PREP: variants seen among roughly 807,000 people sequenced by gnomAD.
PREP encodes the protein dJ355L5.1 (prolyl endopeptidase).
A neutral mutation model predicts 87.6 loss-of-function variants in PREP; 29 were observed. The observed-to-expected ratio is 0.33, with a 90% CI of 0.25 to 0.45. The LOEUF is 0.45. Among genes scored for constraint, PREP ranks in the 20% least tolerant of loss-of-function variants. PREP has a pLI of 1.00. For missense variants in PREP, 695 were observed against 886.5 expected (o/e 0.78, Z 2.74); for synonymous variants, 337 against 328.6 (o/e 1.03, Z -0.28).
At chr6:105,337,449 C>T (rs1328165413) in intron 7 of PREP, among the ~76,000 whole-genome samples, 1 of 152,184 alleles carries the variant, frequency 6.6e-6, no homozygotes, top group Admixed American at 6.5e-5. Context: ...GGAGAATTCA[C>T]ATCCTGTCTT....
In PREP at chr6:105,288,902, A is replaced by G. The variant is rs1376535532; in HGVS notation, c.1318-8T>C. 3 of 1,608,288 alleles carry G rather than the reference A, an allele frequency of 1.9e-6. No homozygotes were observed. Among genetic ancestry groups the G allele is most frequent in the Non-Finnish European group, 2.6e-6 (3 of 1,175,250 alleles). On this transcript the variant is annotated splice_region_variant and splice_polypyrimidine_tract_variant and intron_variant, in intron 10 of 14. Transcript: ENST00000652536. ...CTTGCTAGGGTAGAAAATCTAGAATATAAGAAAGCAGAATATAAGATTTAG... is the reference window on the plus strand; with the variant it reads ...CTTGCTAGGGTAGAAAATCTAGAATGTAAGAAAGCAGAATATAAGATTTAG...
rs1329630035 is a variant in PREP at position 105,376,114 on chromosome 6, G to A, written c.385+11C>T. 2 of 1,612,308 alleles carry A rather than the reference G, an allele frequency of 1.2e-6. No individual in the cohort carries two copies. The highest frequency in any genetic ancestry group is 2.7e-5 in the African/African-American group (2 of 74,982). On this transcript the variant is annotated intron_variant, in intron 4 of 14. Coordinates refer to ENST00000652536, the MANE Select transcript of PREP (RefSeq NM_002726.5). Reference sequence around the variant, plus strand: ...TTAGGAGTTCCACGGGCCTCTCTGTGTAGCACTTACCTCGGAGTGCCACTG... The same window carrying A: ...TTAGGAGTTCCACGGGCCTCTCTGTATAGCACTTACCTCGGAGTGCCACTG...
chr6:105,383,514 A>G (rs1458882954), intron 2 of PREP, among the ~76,000 whole-genome samples: 1 of 152,204 alleles, frequency 6.6e-6, no homozygotes, highest in Non-Finnish European at 1.5e-5. Flanking sequence ...TTTTGGGCTC[A>G]ACTTTAACAT....
intron 2 of PREP, among the ~76,000 whole-genome samples, chr6:105,393,989 A>G (rs117804465): frequency 0.022 from 3,320 of 152,046 alleles, 59 homozygotes; most frequent in Non-Finnish European, 0.035. Context: ...CATGTAATCA[A>G]TTCAGACTAG....
At position 105,273,367 on chromosome 6, in the gene PREP, T is replaced by C. The variant is rs935535215; in HGVS notation, c.*4777A>G. On this transcript the variant is annotated 3_prime_UTR_variant, in exon 15 of 15. Coordinates refer to ENST00000652536, the MANE Select transcript of PREP (RefSeq NM_002726.5). ...TGCAACCGTTACTGAAATCCAGTTTTAGAACATTTTTGTCATCCCGGTTAG... is the reference window on the plus strand; with the variant it reads ...TGCAACCGTTACTGAAATCCAGTTTCAGAACATTTTTGTCATCCCGGTTAG... The C allele has an allele frequency of 6.6e-6, 1 of 152,222 alleles. No homozygotes were observed. Among genetic ancestry groups the C allele is most frequent in the African/African-American group, 2.4e-5 (1 of 41,462 alleles). 9.4% of individuals were successfully genotyped at this position (152,222 alleles called of 1,614,324 possible). A position where few individuals can be genotyped will look rare whatever the true frequency, so the allele number is the denominator to read the frequency against.
At chr6:105,399,033 G>T (rs1462025761) in intron 1 of PREP, among the ~76,000 whole-genome samples, 4 of 152,004 alleles carry the variant, frequency 2.6e-5, no homozygotes, top group African/African-American at 9.7e-5. Flanking sequence ...CCTGAACCCA[G>T]GAGGCAGAGG....
intron 8 of PREP, among the ~76,000 whole-genome samples, chr6:105,329,433 C>T (rs1003365062): frequency 2.6e-5 from 4 of 152,180 alleles, no homozygotes; most frequent in Admixed American, 1.3e-4. Context: ...AGATTACAGG[C>T]GTGAGCCACC....
At chr6:105,401,977 T>C (rs1365963243) in intron 1 of PREP, among the ~76,000 whole-genome samples, 3 of 152,182 alleles carry the variant, frequency 2.0e-5, no homozygotes, top group Non-Finnish European at 4.4e-5. Flanking sequence ...CCACAACATG[T>C]GGATGCAATC....
chr6:105,321,004 T>G (rs1165647719), intron 10 of PREP, among the ~76,000 whole-genome samples: 4 of 152,180 alleles, frequency 2.6e-5, no homozygotes, highest in African/African-American at 9.7e-5. Flanking sequence ...CACATACACT[T>G]GAATCTAAAC....
chr6:105,345,814 T>A (rs1771781583), intron 7 of PREP, among the ~76,000 whole-genome samples: 1 of 152,190 alleles, frequency 6.6e-6, no homozygotes. Context: ...TTCCTGGGGA[T>A]AATAATCCGT....
chr6:105,381,836 T>G (rs1772846568), intron 2 of PREP, among the ~76,000 whole-genome samples: 1 of 144,488 alleles, frequency 6.9e-6, no homozygotes, highest in African/African-American at 2.9e-5. Context: ...CAATACTATA[T>G]TGTGCACAGA....
chr6:105,364,402 G>A (rs1434823643), intron 6 of PREP, among the ~76,000 whole-genome samples: 1 of 152,216 alleles, frequency 6.6e-6, no homozygotes, highest in Admixed American at 6.5e-5. Context: ...GGAAGGCAGA[G>A]GAGGTATCTG....
chr6:105,303,134 T>A (rs1021021113), intron 10 of PREP, among the ~76,000 whole-genome samples: 5 of 152,010 alleles, frequency 3.3e-5, no homozygotes, highest in East Asian at 1.9e-4. Flanking sequence ...TATGTATGTA[T>A]GTATGTATGT....
chr6:105,308,000 C>A (rs1303550087), intron 10 of PREP, among the ~76,000 whole-genome samples: 2 of 152,126 alleles, frequency 1.3e-5, no homozygotes. Context: ...ACAACCATCA[C>A]CATCTTTAGC....
In PREP at chr6:105,322,309, T is replaced by A. The variant is rs758807141; in HGVS notation, c.1317+1356A>T. 4 of 919,718 alleles carry A rather than the reference T, an allele frequency of 4.3e-6. No individual in the cohort carries two copies. In the African/African-American group the frequency reaches 7.3e-5, roughly 17 times the overall value. The allele number at this position is 919,718 out of a possible 1,614,324, so 57.0% of individuals were successfully genotyped here. On this transcript the variant is annotated intron_variant, in intron 10 of 14. Transcript: ENST00000652536. ...TATTTCTAACGTTGATTGAAAAAAATAGATTATATTCTATTGCCAGATCTT... is the reference window on the plus strand; with the variant it reads ...TATTTCTAACGTTGATTGAAAAAAAAAGATTATATTCTATTGCCAGATCTT...
intron 7 of PREP, among the ~76,000 whole-genome samples, chr6:105,335,573 T>A (rs938503881): frequency 6.6e-6 from 1 of 152,160 alleles, no homozygotes; most frequent in African/African-American, 2.4e-5. Flanking sequence ...CATTTTCTTA[T>A]CTGTAAACTA....
chr6:105,395,167 A>G (rs1773256617), intron 2 of PREP, among the ~76,000 whole-genome samples: 1 of 152,202 alleles, frequency 6.6e-6, no homozygotes, highest in Admixed American at 6.5e-5. Context: ...AATTTAAAAA[A>G]TATATATATT....
chr6:105,361,778 T>C (rs926396423), intron 6 of PREP, among the ~76,000 whole-genome samples: 1 of 152,188 alleles, frequency 6.6e-6, no homozygotes, highest in Admixed American at 6.5e-5. Context: ...TTCTAACACT[T>C]AGGAAAACTT....
chr6:105,349,968 C>T (rs909018970), intron 7 of PREP, among the ~76,000 whole-genome samples: 24 of 141,830 alleles, frequency 1.7e-4, no homozygotes, highest in Admixed American at 1.1e-3. Context: ...ACCGGGCATA[C>T]AGACCCCTGA....
Sources: allele counts gnomAD v4.1 joint callset (sites outside exome capture counted in the v4.1 genomes callset), GRCh38; gene constraint gnomAD v4.1.1; transcripts MANE v1.5; gene names NCBI Gene and HGNC (gene_info 2026-07-23, HGNC 2026-07-21).